Variants in FUT9 observed in about 807,000 individuals in gnomAD.
The protein encoded by FUT9 is 4-galactosyl-N-acetylglucosaminide 3-alpha-L-fucosyltransferase 9.
Under a neutral mutation model 29.7 loss-of-function variants are expected in FUT9, and 15 were observed. The observed-to-expected ratio is 0.51, with a 90% CI of 0.34 to 0.78. The LOEUF (loss-of-function observed/expected upper bound fraction) is 0.78, where lower values mean the gene tolerates loss of function less well. Ranked by LOEUF, FUT9 falls within the 30% of genes least tolerant of loss-of-function variation. The probability of loss-of-function intolerance (pLI) is 0.01; values close to 1 mark genes in which losing one functional copy is unlikely to be tolerated. For missense variants in FUT9, 319 were observed against 425.4 expected, an observed-to-expected ratio of 0.75 and a Z score of 2.20; for synonymous variants, 169 against 153.7, an observed-to-expected ratio of 1.10 and a Z score of -0.74.
chr6:96,053,403 C>G (rs1424658984), intron 1 of FUT9, among the ~76,000 whole-genome samples: 2 of 152,100 alleles, frequency 1.3e-5, no homozygotes, highest in African/African-American at 2.4e-5. Context: ...CTGAACCATT[C>G]AAACTTAAGA....
At chr6:96,033,712 T>C (rs1340190451) in intron 1 of FUT9, among the ~76,000 whole-genome samples, 1 of 151,668 alleles carries the variant, frequency 6.6e-6, no homozygotes, top group Non-Finnish European at 1.5e-5. Flanking sequence ...AGCTGTCTTC[T>C]TTCATAAATT....
chr6:96,169,637 G>A (rs183527348), intron 2 of FUT9, among the ~76,000 whole-genome samples: 8 of 152,082 alleles, frequency 5.3e-5, no homozygotes, highest in East Asian at 1.9e-4. Flanking sequence ...TAAGTCTTTC[G>A]CTCTTTAGGT....
chr6:96,176,633 T>A (rs1336571748), intron 2 of FUT9, among the ~76,000 whole-genome samples: 5 of 152,164 alleles, frequency 3.3e-5, no homozygotes, highest in South Asian at 2.1e-4. Flanking sequence ...TATTCTCTCC[T>A]TTCACCTATT....
chr6:96,113,807 T>C (rs1274960506), intron 1 of FUT9, among the ~76,000 whole-genome samples: 1 of 145,620 alleles, frequency 6.9e-6, no homozygotes, highest in Non-Finnish European at 1.5e-5. Flanking sequence ...TAAGCCGAGA[T>C]CATGCCACTG....
chr6:96,147,975 GA>G (rs1427728833), intron 2 of FUT9, among the ~76,000 whole-genome samples: 1 of 151,576 alleles, frequency 6.6e-6, no homozygotes, highest in Non-Finnish European at 1.5e-5. Flanking sequence ...AAAGAGTACC[GA>G]AGCGAAAATT....
At chr6:96,048,788 A>G (rs1385705339) in intron 1 of FUT9, among the ~76,000 whole-genome samples, 1 of 152,082 alleles carries the variant, frequency 6.6e-6, no homozygotes, top group Admixed American at 6.6e-5. Flanking sequence ...GAGGGGGGGA[A>G]CTGACCAAGT....
intron 1 of FUT9, among the ~76,000 whole-genome samples, chr6:96,080,529 C>A (rs1771217079): frequency 6.6e-6 from 1 of 151,826 alleles, no homozygotes. Context: ...TAAGGTATTA[C>A]AAATAAAACA....
intron 2 of FUT9, among the ~76,000 whole-genome samples, chr6:96,192,876 C>G (rs12191404): frequency 0.14 from 21,484 of 151,788 alleles, 1,722 homozygotes; most frequent in Non-Finnish European, 0.18. Flanking sequence ...TGGAATAGAA[C>G]AGAGCCCTCC....
In FUT9 at chr6:96,160,662, T is replaced by C. The variant is rs546373089; in HGVS notation, c.-8-42486T>C. Reference sequence around the variant, plus strand: ...GGAAAAGAGAAGCTAATAATAGATATTGATGACTTTCACAAATTCGCTATC... The same window carrying C: ...GGAAAAGAGAAGCTAATAATAGATACTGATGACTTTCACAAATTCGCTATC... On this transcript the variant is annotated intron_variant, in intron 2 of 2. Coordinates refer to ENST00000302103, the MANE Select transcript of FUT9 (RefSeq NM_006581.4). 1.2e-4 allele frequency among the ~76,000 whole-genome samples: 18 copies of C among 152,274 alleles called. No homozygotes were observed. The South Asian group carries it at 3.3e-3, about 28-fold the overall frequency.
intron 2 of FUT9, among the ~76,000 whole-genome samples, chr6:96,141,975 C>T (rs772223352): frequency 5.3e-5 from 8 of 152,188 alleles, no homozygotes; most frequent in Non-Finnish European, 1.2e-4. Context: ...GAAGTGATTA[C>T]TTAGTCCAAA....
At chr6:96,191,865 G>A (rs911446432) in intron 2 of FUT9, among the ~76,000 whole-genome samples, 8 of 152,150 alleles carry the variant, frequency 5.3e-5, no homozygotes, top group East Asian at 3.9e-4. Flanking sequence ...TGACCAAGTC[G>A]GCTTCATCCC....
At chr6:96,052,882 C>A (rs1033632181) in intron 1 of FUT9, among the ~76,000 whole-genome samples, 5 of 151,564 alleles carry the variant, frequency 3.3e-5, no homozygotes, top group Non-Finnish European at 4.4e-5. Context: ...GCTTAGAAAG[C>A]AAGTAAATAT....
chr6:96,160,593 A>C (rs1333116392), intron 2 of FUT9, among the ~76,000 whole-genome samples: 3 of 152,192 alleles, frequency 2.0e-5, no homozygotes, highest in Admixed American at 2.0e-4. Context: ...AAACTTATCC[A>C]ACTTGAAGAT....
At chr6:96,190,589 G>A (rs1423131530) in intron 2 of FUT9, among the ~76,000 whole-genome samples, 3 of 152,072 alleles carry the variant, frequency 2.0e-5, no homozygotes, top group African/African-American at 7.2e-5. Flanking sequence ...CATATTTCTT[G>A]GAGGCTTTGT....
At chr6:96,185,411 A>G (rs1773388130) in intron 2 of FUT9, among the ~76,000 whole-genome samples, 1 of 152,132 alleles carries the variant, frequency 6.6e-6, no homozygotes, top group Non-Finnish European at 1.5e-5. Context: ...GAAGAAATAA[A>G]TAATGATTTC....
intron 1 of FUT9, among the ~76,000 whole-genome samples, chr6:96,112,430 A>C (rs566880733): frequency 1.6e-4 from 25 of 152,356 alleles, no homozygotes; most frequent in Non-Finnish European, 2.6e-4. Context: ...ATTTCTTCAT[A>C]CTTGTATTAT....
At chr6:96,124,028 G>A (rs12176483) in intron 2 of FUT9, among the ~76,000 whole-genome samples, 3,840 of 151,834 alleles carry the variant, frequency 0.025, 75 homozygotes, top group East Asian at 0.079. Context: ...TAGTTAAATT[G>A]CTAAAGAAAA....
chr6:96,083,270 T>C (rs1259637120), intron 1 of FUT9, among the ~76,000 whole-genome samples: 4 of 152,062 alleles, frequency 2.6e-5, no homozygotes, highest in Non-Finnish European at 5.9e-5. Flanking sequence ...TATTTCTGAA[T>C]GTGTAAGTCA....
chr6:96,126,812 T>C (rs1301864173), intron 2 of FUT9, among the ~76,000 whole-genome samples: 1 of 152,184 alleles, frequency 6.6e-6, no homozygotes, highest in Non-Finnish European at 1.5e-5. Flanking sequence ...TTAACTTCCC[T>C]GTGGAGATTA....
Sources: allele counts gnomAD v4.1 joint callset (sites outside exome capture counted in the v4.1 genomes callset), GRCh38; gene constraint gnomAD v4.1.1; transcripts MANE v1.5; gene names NCBI Gene and HGNC (gene_info 2026-07-23, HGNC 2026-07-21).